CST2: variants seen among roughly 807,000 people sequenced by gnomAD.
CST2 encodes cystatin-SA.
Under a neutral mutation model 13.4 loss-of-function variants are expected in CST2, and 26 were observed. That is an observed-to-expected ratio of 1.95 (90% CI 1.43 to 2.70). CST2 has a LOEUF of 2.70. CST2 is among the 30% of genes most tolerant of loss of function. The probability of loss-of-function intolerance (pLI) is 0.00; values close to 1 mark genes in which losing one functional copy is unlikely to be tolerated. For missense variants in CST2, 243 were observed against 173.4 expected (o/e 1.40, Z -2.25); for synonymous variants, 105 against 71.1 (o/e 1.48, Z -2.40).
In CST2 at chr20:23,826,644, C is replaced by T; in HGVS notation, c.17G>A (p.Cys6Tyr). MAWPL[C>Y]TLLLLLATQA... ...GGTGGCCAGCAGGAGCAGCAGGGTG[C>T]ACAGGGGCCAGGCCATGGTCTCCTC... is the stretch of plus-strand genomic sequence containing the variant. The change falls in exon 1 of 3, where the codon TGC becomes TAC. Residue 6 changes from cysteine (C) to tyrosine (Y), a missense_variant. Coordinates refer to ENST00000304725, the MANE Select transcript of CST2 (RefSeq NM_001322.3). 6.2e-7 allele frequency: 1 copy of T among 1,606,288 alleles called. No homozygotes were observed. The highest frequency in any genetic ancestry group is 1.3e-5 in the African/African-American group (1 of 74,914).
chr20:23,825,186 C>T (rs1205118728), intron 2 of CST2, 24 bp downstream of exon 2: 1 of 1,614,048 alleles, frequency 6.2e-7, no homozygotes, highest in East Asian at 2.2e-5. Context: ...CATGACTGGC[C>T]TGGGACCCGC....
chr20:23,824,553 C>A (rs200643810), intron 2 of CST2, among the ~76,000 whole-genome samples: 3 of 152,154 alleles, frequency 2.0e-5, no homozygotes, highest in Non-Finnish European at 4.4e-5. Flanking sequence ...GTGTGGCTCT[C>A]CCCTGAGTGG....
intron 2 of CST2, among the ~76,000 whole-genome samples, chr20:23,824,719 C>T (rs1984771680): frequency 6.6e-6 from 1 of 151,966 alleles, no homozygotes; most frequent in South Asian, 2.1e-4. Context: ...TAGACAGAGC[C>T]CCTTCTCCCT....
Position 23,823,876 on chromosome 20 carries a change from A to T in CST2, c.*144T>A. The T allele has an allele frequency of 1.2e-6, 1 of 810,466 alleles. No homozygotes were observed. The allele number at this position is 810,466 out of a possible 1,614,324, so 50.2% of individuals were successfully genotyped here. On this transcript the variant is annotated 3_prime_UTR_variant, in exon 3 of 3. Coordinates refer to ENST00000304725, the MANE Select transcript of CST2 (RefSeq NM_001322.3). ...GGCAGAGTCCCCTGCTGAGCAACAA[A>T]GGCCTCCTGCAGCCTTCTCTGTCTT...
At chr20:23,824,461 T>C (rs1229453199) in intron 2 of CST2, among the ~76,000 whole-genome samples, 1 of 151,884 alleles carries the variant, frequency 6.6e-6, no homozygotes, top group African/African-American at 2.4e-5. Flanking sequence ...AGGCCAGCAC[T>C]AAGAGGGGCC....
At chr20:23,825,838 A>T (rs575883985) in intron 1 of CST2, among the ~76,000 whole-genome samples, 1 of 152,182 alleles carries the variant, frequency 6.6e-6, no homozygotes. Flanking sequence ...GGAGCTCTAA[A>T]GCCTGTGTCA....
At chr20:23,826,311 G>C in intron 1 of CST2, 122 bp downstream of exon 1, 1 of 816,722 alleles carries the variant, frequency 1.2e-6, no homozygotes, top group South Asian at 1.7e-5. Context: ...GTCAGGGAAA[G>C]CTGAATGAAT....
chr20:23,824,143 C>G, intron 2 of CST2, 40 bp from the exon 3 acceptor site: 1 of 1,605,154 alleles, frequency 6.2e-7, no homozygotes, highest in South Asian at 1.1e-5. Context: ...GTGTGAGTTA[C>G]AGTTAAAGGG....
intron 1 of CST2, among the ~76,000 whole-genome samples, chr20:23,825,623 A>G (rs1984808842): frequency 6.6e-6 from 1 of 152,224 alleles, no homozygotes; most frequent in African/African-American, 2.4e-5. Flanking sequence ...TTACCCATGT[A>G]TAAAATAGGC....
chr20:23,823,804 G>A lies in CST2; in HGVS notation c.*216C>T, dbSNP rs1448598025. On this transcript the variant is annotated 3_prime_UTR_variant, in exon 3 of 3. Coordinates refer to ENST00000304725, the MANE Select transcript of CST2 (RefSeq NM_001322.3). ...CTGTTTAATTGCAGGAGGTGGGGGT[G>A]TGTGTACCATGTACCAGGGCTATGA... 6 of 574,698 alleles carry A rather than the reference G, an allele frequency of 1.0e-5. No homozygotes were observed. Among genetic ancestry groups the A allele is most frequent in the Non-Finnish European group, 1.6e-5 (5 of 319,740 alleles). 35.6% of individuals were successfully genotyped at this position (574,698 alleles called of 1,614,324 possible). A position where few individuals can be genotyped will look rare whatever the true frequency, so the allele number is the denominator to read the frequency against.
intron 2 of CST2, among the ~76,000 whole-genome samples, chr20:23,824,950 C>T (rs1181296152): frequency 2.0e-5 from 3 of 152,036 alleles, no homozygotes; most frequent in Non-Finnish European, 4.4e-5. Context: ...CCCCCAGAAT[C>T]CCCACACACA....
rs528741100 is a variant in CST2 at position 23,824,984 on chromosome 20, C to T, written c.342+226G>A. Among the ~76,000 whole-genome samples, 3 of 152,222 alleles carry T rather than the reference C, an allele frequency of 2.0e-5. No homozygotes were observed. The South Asian group carries it at 6.2e-4, about 32-fold the overall frequency. On this transcript the variant is annotated intron_variant, in intron 2 of 2. Transcript: ENST00000304725. ...CAGGCACACATGCTCCCATACAGCT[C>T]CCTGCACACACTGGCACATGTGTGT...
chr20:23,825,790 C>T (rs1255978100), intron 1 of CST2, among the ~76,000 whole-genome samples: 1 of 152,174 alleles, frequency 6.6e-6, no homozygotes, highest in Admixed American at 6.5e-5. Flanking sequence ...AGAAATGGGG[C>T]TGGTCTGGAT....
In CST2 at chr20:23,826,456, G is replaced by T. The variant is rs55860552; in HGVS notation, c.205C>A (p.Arg69=). 4.3e-6 allele frequency: 7 copies of T among 1,614,102 alleles called. No individual in the cohort carries two copies. The South Asian group carries it at 6.6e-5, about 15-fold the overall frequency. Residue 69 remains arginine (R), a synonymous_variant, in exon 1 of 3, where the codon CGG becomes AGG. Coordinates refer to ENST00000304725, the MANE Select transcript of CST2 (RefSeq NM_001322.3). ...ACCTGCTCCCTGGCTCGTAGCACCC[G>T]CAGCAGGCGTCTGTAGTACTCATCT... is the stretch of plus-strand genomic sequence containing the variant. The part of the protein sequence containing the change: ...TEDEYYRRLL[R]VLRAREQIVG...
chr20:23,824,470 C>T (rs961365961), intron 2 of CST2, among the ~76,000 whole-genome samples: 2 of 152,088 alleles, frequency 1.3e-5, no homozygotes, highest in African/African-American at 4.8e-5. Context: ...CTAAGAGGGG[C>T]CAGAGGGAAG....
chr20:23,825,462 C>G, intron 1 of CST2, 139 bp from the exon 2 acceptor site: 1 of 812,960 alleles, frequency 1.2e-6, no homozygotes, highest in Non-Finnish European at 2.0e-6. Flanking sequence ...GGCACACAAG[C>G]CCCCTCTTCC....
chr20:23,824,086 G>T lies in CST2; in HGVS notation c.360C>A (p.Phe120Leu). Residue 120 changes from phenylalanine (F) to leucine (L), a missense_variant, in exon 3 of 3, where the codon TTC (phenylalanine) becomes TTA (leucine). By Grantham distance (22) the Phe-to-Leu change is conservative. Coordinates refer to ENST00000304725, the MANE Select transcript of CST2 (RefSeq NM_001322.3). ...PELQKKQLCS[F>L]QIYEVPWEDR... is the part of the protein sequence containing the mutation. ...CCTCCCAGGGAACTTCGTAGATCTGGAAAGAGCACAACTGTTTCTGTGAAA... is the reference window on the plus strand; with the variant it reads ...CCTCCCAGGGAACTTCGTAGATCTGTAAAGAGCACAACTGTTTCTGTGAAA... 1 of 1,614,070 alleles carries T rather than the reference G, an allele frequency of 6.2e-7. No individual in the cohort carries two copies. Among genetic ancestry groups the T allele is most frequent in the Non-Finnish European group, 8.5e-7 (1 of 1,179,956 alleles).
intron 1 of CST2, among the ~76,000 whole-genome samples, chr20:23,825,742 C>T (rs1277627085): frequency 2.0e-5 from 3 of 152,182 alleles, no homozygotes; most frequent in Non-Finnish European, 2.9e-5. Flanking sequence ...GTGCACCTCC[C>T]GTGCAGGGTG....
chr20:23,825,404 C>T, intron 1 of CST2, 81 bp from the exon 2 acceptor site: 3 of 1,477,754 alleles, frequency 2.0e-6, no homozygotes, highest in Non-Finnish European at 2.8e-6. Flanking sequence ...GTGGCTGAGT[C>T]ACTGGACTTG....
Sources: gnomAD v4.1 joint callset for allele counts (sites outside exome capture counted in the v4.1 genomes callset) on GRCh38, gnomAD v4.1.1 for gene constraint, MANE v1.5 for transcripts, NCBI Gene and HGNC (gene_info 2026-07-23, HGNC 2026-07-21) for gene names.